The following CALHM2 variants were observed in gnomAD, a reference collection of about 807,000 sequenced individuals.
CALHM2 encodes calcium homeostasis modulator family member 2, also known as calcium homeostasis modulator protein 2.
Under a neutral mutation model 20.4 loss-of-function variants are expected in CALHM2, and 18 were observed. The observed-to-expected ratio is 0.88, with a 90% CI of 0.61 to 1.31. The LOEUF is 1.31. Ranked by LOEUF, CALHM2 falls within the 50% of genes most tolerant of loss-of-function variation. The pLI, the probability that CALHM2 is intolerant of heterozygous loss-of-function variation, is 0.00. For synonymous variants in CALHM2, 193 were observed against 192.1 expected (o/e 1.00, Z -0.04); for missense variants, 411 against 435.7 (o/e 0.94, Z 0.50).
At chr10:103,447,637 G>A in intron 3 of CALHM2, 69 bp from the exon 4 acceptor site, 1 of 1,344,774 alleles carries the variant, frequency 7.4e-7, no homozygotes, top group Non-Finnish European at 9.9e-7. Context: ...CAGAGCGAAT[G>A]GAAAAGGAGC....
chr10:103,450,030 G>C lies in CALHM2; in HGVS notation c.-89C>G, dbSNP rs559206730. ...CTGGTGGTACTAGGAAGGGGCACAGGCTGGGAGGCGCTGGACGGCAGGGTG... is the reference window on the plus strand; with the variant it reads ...CTGGTGGTACTAGGAAGGGGCACAGCCTGGGAGGCGCTGGACGGCAGGGTG... On this transcript the variant is annotated 5_prime_UTR_variant, in exon 3 of 4. Coordinates refer to ENST00000260743, the MANE Select transcript of CALHM2 (RefSeq NM_015916.5). The C allele has an allele frequency of 2.5e-6, 3 of 1,181,670 alleles. No individual in the cohort carries two copies. Among genetic ancestry groups the C allele is most frequent in the African/African-American group, 1.5e-5 (1 of 65,974 alleles). 73.2% of individuals were successfully genotyped at this position (1,181,670 alleles called of 1,614,324 possible).
rs1401905475 is a variant in CALHM2 at position 103,449,673 on chromosome 10, C to T, written c.269G>A (p.Arg90Lys). ...GGGGGCGGCGGAGCAGTTCTTGGTC[C>T]TCCGGTGCTGGCACTCGGCCACGAG... ...WNLVAECQHR[R>K]TKNCSAAPTF... is the part of the protein sequence containing the mutation. The change falls in exon 3 of 4, where the codon AGG becomes AAG. Residue 90 changes from arginine to lysine, a missense_variant. By Grantham distance (26) the Arg-to-Lys change is conservative (BLOSUM62 2). Transcript: ENST00000260743. 8.7e-6 allele frequency: 14 copies of T among 1,613,886 alleles called. No homozygotes were observed. Among genetic ancestry groups the T allele is most frequent in the Non-Finnish European group, 1.1e-5 (13 of 1,180,052 alleles).
At chr10:103,449,159 A>AACTGAG (rs2032825339) in intron 3 of CALHM2, 1 of 554,386 alleles carries the variant, frequency 1.8e-6, no homozygotes, top group Non-Finnish European at 3.2e-6. Flanking sequence ...GGTCATATAC[A>AACTGAG]ACTGAGATTT....
chr10:103,449,591 C>A lies in CALHM2; in HGVS notation c.351G>T (p.Trp117Cys), dbSNP rs753935996. The change falls in exon 3 of 4, where the codon TGG becomes TGT. Residue 117 changes from tryptophan to cysteine, a missense_variant. Physicochemically the swap from Trp to Cys is radical, Grantham distance 215 (BLOSUM62 -2). Transcript: ENST00000260743. ...LGRAAVAPVT[W>C]SVISLLRGEA... ...CACCACGCAGCAGGGAGATGACAGA[C>A]CAGGTGACAGGGGCCACAGCCGCAC... 57 of 1,613,820 alleles carry A rather than the reference C, an allele frequency of 3.5e-5. 1 individual carries two copies. The South Asian group carries it at 5.9e-4, about 17-fold the overall frequency.
intron 2 of CALHM2, chr10:103,450,841 G>A (rs1028246928): frequency 1.3e-5 from 2 of 152,218 alleles, no homozygotes; most frequent in Non-Finnish European, 2.9e-5. Context: ...AAAGATGCCT[G>A]ATTGTGCTCT....
At chr10:103,450,458 A>G (rs1391999006) in intron 2 of CALHM2, 1 of 171,944 alleles carries the variant, frequency 5.8e-6, no homozygotes, top group African/African-American at 2.4e-5. Context: ...GGGGTGGCCC[A>G]TGGTGCTAAT....
chr10:103,451,675 G>GTGGAGGAGGAGGAGT (rs2032998642), intron 1 of CALHM2: 2 of 145,406 alleles, frequency 1.4e-5, no homozygotes, highest in South Asian at 3.8e-4. Flanking sequence ...GGAGGAGGAG[G>GTGGAGGAGGAGGAGT]AGTCTGATTC....
In CALHM2 at chr10:103,449,405, CCTGCGGCTG is replaced by C; in HGVS notation, c.528_536del (p.Ser177_Arg179del). On this transcript the variant is annotated inframe_deletion, in exon 3 of 4. Coordinates refer to ENST00000260743, the MANE Select transcript of CALHM2 (RefSeq NM_015916.5). Reference sequence around the variant, plus strand: ...TCCTTACCTGGGACTCATACCTGAGCCTGCGGCTGACCTCCTCCCGGAAGTCTGACAGGT... The same window carrying C: ...TCCTTACCTGGGACTCATACCTGAGCACCTCCTCCCGGAAGTCTGACAGGT... 1 of 1,612,916 alleles carries C rather than the reference CCTGCGGCTG, an allele frequency of 6.2e-7. No homozygotes were observed. The highest frequency in any genetic ancestry group is 8.5e-7 in the Non-Finnish European group (1 of 1,180,006).
Position 103,447,487 on chromosome 10 carries a change from T to G in CALHM2, c.637A>C (p.Ser213Arg), listed in dbSNP as rs761328994. Reference sequence around the variant, plus strand: ...GCCCAGTAGGCCTCCTGGCGGTAGCTGAGTGGTGAGCAGTAATGCTTGAGG... The same window carrying G: ...GCCCAGTAGGCCTCCTGGCGGTAGCGGAGTGGTGAGCAGTAATGCTTGAGG... ...KCLKHYCSPL[S>R]YRQEAYWAQY... is the part of the protein sequence containing the mutation. The change falls in exon 4 of 4, where the codon AGC becomes CGC. Residue 213 changes from serine to arginine, a missense_variant. By Grantham distance (110) the Ser-to-Arg change is moderately radical. Coordinates refer to ENST00000260743, the MANE Select transcript of CALHM2 (RefSeq NM_015916.5). 1.2e-6 allele frequency: 2 copies of G among 1,613,802 alleles called. No homozygotes were observed. Among genetic ancestry groups the G allele is most frequent in the South Asian group, 1.1e-5 (1 of 91,068 alleles).
chr10:103,447,644 G>A, intron 3 of CALHM2, 76 bp from the exon 4 acceptor site: 7 of 1,291,872 alleles, frequency 5.4e-6, no homozygotes, highest in Non-Finnish European at 7.3e-6. Flanking sequence ...AATGGAAAAG[G>A]AGCAAGTTCT....
chr10:103,451,371 C>G (rs2032976559), intron 1 of CALHM2, 86 bp from the exon 2 acceptor site: 1 of 152,424 alleles, frequency 6.6e-6, no homozygotes, highest in South Asian at 2.1e-4. Flanking sequence ...GCCTGAGAGA[C>G]AGGCCAGGGT....
At position 103,446,929 on chromosome 10, in the gene CALHM2, T is replaced by C; in HGVS notation, c.*223A>G. On this transcript the variant is annotated 3_prime_UTR_variant, in exon 4 of 4. Coordinates refer to ENST00000260743, the MANE Select transcript of CALHM2 (RefSeq NM_015916.5). ...TACATGTTAACTGCATAGAGTACCATAAAGGAGCCCACTGGTGAGCTTCAC... is the reference window on the plus strand; with the variant it reads ...TACATGTTAACTGCATAGAGTACCACAAAGGAGCCCACTGGTGAGCTTCAC... 1.8e-6 allele frequency: 1 copy of C among 545,398 alleles called. No individual in the cohort carries two copies. Among genetic ancestry groups the C allele is most frequent in the Non-Finnish European group, 3.2e-6 (1 of 309,216 alleles). The allele number at this position is 545,398 out of a possible 1,614,324, so 33.8% of individuals were successfully genotyped here. A position where few individuals can be genotyped will look rare whatever the true frequency, so the allele number is the denominator to read the frequency against.
chr10:103,446,992 A>G lies in CALHM2; in HGVS notation c.*160T>C, dbSNP rs1431071301. 4 of 708,318 alleles carry G rather than the reference A, an allele frequency of 5.6e-6. No homozygotes were observed. The highest frequency in any genetic ancestry group is 5.4e-5 in the African/African-American group (3 of 55,968). 43.9% of individuals were successfully genotyped at this position (708,318 alleles called of 1,614,324 possible). Reference sequence around the variant, plus strand: ...CTGCTGGCTGGGGCTTCCATTGTCTACTGGGTCTGTCCACACCCCAGATTG... The same window carrying G: ...CTGCTGGCTGGGGCTTCCATTGTCTGCTGGGTCTGTCCACACCCCAGATTG... On this transcript the variant is annotated 3_prime_UTR_variant, in exon 4 of 4. Transcript: ENST00000260743.
chr10:103,447,451 C>A lies in CALHM2; in HGVS notation c.673G>T (p.Ala225Ser), dbSNP rs778778204. 1 of 1,614,138 alleles carries A rather than the reference C, an allele frequency of 6.2e-7. No individual in the cohort carries two copies. Among genetic ancestry groups the A allele is most frequent in the East Asian group, 2.2e-5 (1 of 44,884 alleles). Residue 225 changes from alanine to serine, a missense_variant, in exon 4 of 4, where the codon GCC becomes TCC. By Grantham distance (99) the Ala-to-Ser change is moderately conservative. Coordinates refer to ENST00000260743, the MANE Select transcript of CALHM2 (RefSeq NM_015916.5). ...RQEAYWAQYR[A>S]NEDQLFQRTA... Reference sequence around the variant, plus strand: ...CGCTGGAACAGCTGGTCCTCATTGGCGCGGTACTGCGCCCAGTAGGCCTCC... The same window carrying A: ...CGCTGGAACAGCTGGTCCTCATTGGAGCGGTACTGCGCCCAGTAGGCCTCC...
rs2232663 is a variant in CALHM2, at chr10:103,447,419, G to C, written c.705C>G (p.Ala235=). 19 of 1,614,146 alleles carry C rather than the reference G, an allele frequency of 1.2e-5. No homozygotes were observed. The African/African-American group carries it at 2.1e-4, about 18-fold the overall frequency. Residue 235 remains alanine, a synonymous_variant, in exon 4 of 4, where the codon GCC becomes GCG. Transcript: ENST00000260743. The part of the protein sequence containing the change: ...ANEDQLFQRT[A]EVHSRVLAAN... The stretch of plus-strand genomic sequence containing the variant: ...CAGCGAGCACCCGAGAGTGCACCTC[G>C]GCCGTGCGCTGGAACAGCTGGTCCT...
In CALHM2 at chr10:103,449,520, A is replaced by G; in HGVS notation, c.422T>C (p.Leu141Pro). 1 of 1,613,622 alleles carries G rather than the reference A, an allele frequency of 6.2e-7. No individual in the cohort carries two copies. Among genetic ancestry groups the G allele is most frequent in the Non-Finnish European group, 8.5e-7 (1 of 1,180,028 alleles). The change falls in exon 3 of 4, where the codon CTC becomes CCC. Residue 141 changes from leucine to proline, a missense_variant. Physicochemically the swap from Leu to Pro is moderately conservative, Grantham distance 98. Coordinates refer to ENST00000260743, the MANE Select transcript of CALHM2 (RefSeq NM_015916.5). ...TGGGAAGTGCTCTTCCCTGGCCGTG[A>G]GTGAGGAAGGGTCCACGAACTCACT... is the stretch of plus-strand genomic sequence containing the variant. ...ALSEFVDPSS[L>P]TAREEHFPSA...
rs1351706251 is a variant in CALHM2 at position 103,449,813 on chromosome 10, G to A, written c.129C>T (p.Ala43=). ...GGGCCGGCGAGCAGGGGCAGTGGAA[G>A]GCCACCACAGAGAACAGCTCCTGGC... ...VGSQELFSVV[A]FHCPCSPARN... The change falls in exon 3 of 4, where the codon GCC becomes GCT. Residue 43 remains alanine (A), a synonymous_variant. Coordinates refer to ENST00000260743, the MANE Select transcript of CALHM2 (RefSeq NM_015916.5). The A allele has an allele frequency of 1.2e-6, 2 of 1,613,410 alleles. No individual in the cohort carries two copies. The highest frequency in any genetic ancestry group is 3.3e-5 in the Admixed American group (2 of 60,036).
chr10:103,451,089 G>C lies in CALHM2; in HGVS notation c.-165C>G, dbSNP rs568483682. 1 of 152,248 alleles carries C rather than the reference G, an allele frequency of 6.6e-6. No homozygotes were observed. The highest frequency in any genetic ancestry group is 1.5e-5 in the Non-Finnish European group (1 of 68,082). 9.4% of individuals were successfully genotyped at this position (152,248 alleles called of 1,614,324 possible). ...TTTTCTGTCTCCTACTGACCTTGCC[G>C]TGTCCATCCACGGGTGTCCCGAAGA... On this transcript the variant is annotated 5_prime_UTR_variant, in exon 2 of 4. Coordinates refer to ENST00000260743, the MANE Select transcript of CALHM2 (RefSeq NM_015916.5).
intron 3 of CALHM2, among the ~76,000 whole-genome samples, chr10:103,448,367 G>A (rs1296981078): frequency 2.0e-5 from 3 of 150,900 alleles, no homozygotes; most frequent in East Asian, 2.0e-4. Flanking sequence ...GGCTGGTCTC[G>A]AACTCCTGAC....
Sources: gnomAD v4.1 joint callset for allele counts (sites outside exome capture counted in the v4.1 genomes callset) on GRCh38, gnomAD v4.1.1 for gene constraint, MANE v1.5 for transcripts, NCBI Gene and HGNC (gene_info 2026-07-23, HGNC 2026-07-21) for gene names.